OSBPL3: variants seen among roughly 807,000 people sequenced by gnomAD.
The protein encoded by OSBPL3 is oxysterol binding protein like 3, also known as oxysterol-binding protein-related protein 3.
Under a neutral mutation model 120.1 loss-of-function variants are expected in OSBPL3, and 65 were observed. The observed-to-expected ratio is 0.54, with a 90% CI of 0.44 to 0.67. The LOEUF (loss-of-function observed/expected upper bound fraction) is 0.67, where lower values mean the gene tolerates loss of function less well. Ranked by LOEUF, OSBPL3 falls within the 30% of genes least tolerant of loss-of-function variation. The pLI, the probability that OSBPL3 is intolerant of heterozygous loss-of-function variation, is 0.00. For synonymous variants in OSBPL3, 416 were observed against 402.6 expected (o/e 1.03, Z -0.40); for missense variants, 1,004 against 1,082.1 (o/e 0.93, Z 1.01).
At chr7:24,905,925 G>C (rs1807839899) in intron 1 of OSBPL3, among the ~76,000 whole-genome samples, 1 of 151,912 alleles carries the variant, frequency 6.6e-6, no homozygotes, top group Non-Finnish European at 1.5e-5. Context: ...CCAGCTATTT[G>C]GGAGGCTGAG....
In OSBPL3 at chr7:24,863,676, C is replaced by T; in HGVS notation, c.674-77G>A. ...CACTGTGCTGTCCCCATGCCAGCTA[C>T]TTTTCCTTATTTATCTGTAGTTGAT... On this transcript the variant is annotated intron_variant, in intron 7 of 22. Transcript: ENST00000313367. This position sits in a 1 kb window ranked among gnomAD's most constrained non-coding sequence, Gnocchi z 5.8. 2.2e-6 allele frequency: 2 copies of T among 926,842 alleles called. No homozygotes were observed. Among genetic ancestry groups the T allele is most frequent in the Non-Finnish European group, 1.7e-6 (1 of 580,770 alleles). The allele number at this position is 926,842 out of a possible 1,614,324, so 57.4% of individuals were successfully genotyped here.
Position 24,871,895 on chromosome 7 carries a change from CA to C in OSBPL3, c.213+57del. On this transcript the variant is annotated intron_variant, in intron 3 of 22. Coordinates refer to ENST00000313367, the MANE Select transcript of OSBPL3 (RefSeq NM_015550.4). This position sits in a 1 kb window ranked among gnomAD's most constrained non-coding sequence, Gnocchi z 4.8. ...AAATTAAATATGAGTACCTAAGAAC[CA>C]GGTGCTGAGTGGGGCAGTGTGAGTG... The C allele has an allele frequency of 6.9e-7, 1 of 1,459,132 alleles. No individual in the cohort carries two copies. Among genetic ancestry groups the C allele is most frequent in the South Asian group, 1.1e-5 (1 of 87,946 alleles). The allele number at this position is 1,459,132 out of a possible 1,614,324, so 90.4% of individuals were successfully genotyped here.
At position 24,799,260 on chromosome 7, in the gene OSBPL3, T is replaced by G. The variant is rs1036139455; in HGVS notation, c.*923A>C. On this transcript the variant is annotated 3_prime_UTR_variant, in exon 23 of 23. Coordinates refer to ENST00000313367, the MANE Select transcript of OSBPL3 (RefSeq NM_015550.4). The surrounding 1 kb of genome is among the most constrained non-coding windows in gnomAD (Gnocchi z 5.3). Reference sequence around the variant, plus strand: ...GTTATTTTGCTAAACTTTTACAAAGTCAAACTGCTGTGTGGAATAAACTGT... The same window carrying G: ...GTTATTTTGCTAAACTTTTACAAAGGCAAACTGCTGTGTGGAATAAACTGT... The G allele has an allele frequency of 6.6e-6, 1 of 152,604 alleles. No homozygotes were observed. Among genetic ancestry groups the G allele is most frequent in the African/African-American group, 2.4e-5 (1 of 41,450 alleles). 9.5% of individuals were successfully genotyped at this position (152,604 alleles called of 1,614,324 possible).
chr7:24,832,595 CT>C (rs1393860038), intron 15 of OSBPL3, among the ~76,000 whole-genome samples: 3 of 151,900 alleles, frequency 2.0e-5, no homozygotes, highest in Admixed American at 2.0e-4. Context: ...TTCTTGAAAC[CT>C]GGGTGTCTGT....
Position 24,818,183 on chromosome 7 carries a change from A to T in OSBPL3, c.1949-1495T>A, listed in dbSNP as rs554979072. On this transcript the variant is annotated intron_variant, in intron 17 of 22. Transcript: ENST00000313367. The surrounding 1 kb of genome is among the most constrained non-coding windows in gnomAD (Gnocchi z 4.0). ...CAGAGGGGGTGGATAATATTTGCTA[A>T]AGAGGATTCTTTTTGGAGTGATGAA... Among the ~76,000 whole-genome samples, 6 of 152,334 alleles carry T rather than the reference A, an allele frequency of 3.9e-5. No individual in the cohort carries two copies. In the East Asian group the frequency reaches 1.2e-3, roughly 29 times the overall value.
At chr7:24,974,817 A>G (rs1258620618) in intron 1 of OSBPL3, among the ~76,000 whole-genome samples, 3 of 152,214 alleles carry the variant, frequency 2.0e-5, no homozygotes, top group African/African-American at 7.2e-5. Flanking sequence ...GGCATAAAGT[A>G]AATTAGTGGG....
chr7:24,830,428 T>C lies in OSBPL3; in HGVS notation c.1884+340A>G, dbSNP rs988743385. On this transcript the variant is annotated intron_variant, in intron 16 of 22. Transcript: ENST00000313367. The surrounding 1 kb of genome is among the most constrained non-coding windows in gnomAD (Gnocchi z 4.4). ...GGGCATTCATGCTCTGGAATAATGATGTCAGTGTGTTAGGGAGCAATGTTA... is the reference window on the plus strand; with the variant it reads ...GGGCATTCATGCTCTGGAATAATGACGTCAGTGTGTTAGGGAGCAATGTTA... 6.6e-6 allele frequency among the ~76,000 whole-genome samples: 1 copy of C among 152,208 alleles called. No homozygotes were observed. Among genetic ancestry groups the C allele is most frequent in the Non-Finnish European group, 1.5e-5 (1 of 68,038 alleles).
rs1052742415 is a variant in OSBPL3, at chr7:24,938,583, T to C, written c.-150+41303A>G. On this transcript the variant is annotated intron_variant, in intron 1 of 22. Transcript: ENST00000313367. The surrounding 1 kb of genome is among the most constrained non-coding windows in gnomAD (Gnocchi z 5.8). ...CTGAAACTCTAGTCATCACTCAAAT[T>C]TGAAGGCCAGAAGAAGGAAAAGTTG... Among the ~76,000 whole-genome samples, 1 of 152,090 alleles carries C rather than the reference T, an allele frequency of 6.6e-6. No homozygotes were observed. Among genetic ancestry groups the C allele is most frequent in the African/African-American group, 2.4e-5 (1 of 41,416 alleles).
intron 1 of OSBPL3, among the ~76,000 whole-genome samples, chr7:24,920,484 T>C (rs2128447316): frequency 6.6e-6 from 1 of 152,248 alleles, no homozygotes; most frequent in South Asian, 2.1e-4. Context: ...AGGGGCTGGC[T>C]AGAGGCAGAA....
rs140419311 is a variant in OSBPL3, at chr7:24,825,252, C to T, written c.1885-5014G>A. Among the ~76,000 whole-genome samples the T allele has an allele frequency of 3.8e-3, 578 of 152,246 alleles. 9 individuals carry two copies. Among genetic ancestry groups the T allele is most frequent in the African/African-American group, 0.013 (552 of 41,532 alleles). ...TTAGTGGCCTGAGCTAGGTGACCAG[C>T]ATCACATGGGAGAGAAAGTGAAAAT... On this transcript the variant is annotated intron_variant, in intron 16 of 22. Coordinates refer to ENST00000313367, the MANE Select transcript of OSBPL3 (RefSeq NM_015550.4).
Position 24,797,464 on chromosome 7 carries a change from A to T in OSBPL3, c.*2719T>A, listed in dbSNP as rs111825509. The T allele has an allele frequency of 1.3e-5, 2 of 152,166 alleles. No homozygotes were observed. Among genetic ancestry groups the T allele is most frequent in the African/African-American group, 4.8e-5 (2 of 41,438 alleles). The allele number at this position is 152,166 out of a possible 1,614,324, so 9.4% of individuals were successfully genotyped here. On this transcript the variant is annotated 3_prime_UTR_variant, in exon 23 of 23. Transcript: ENST00000313367. The surrounding 1 kb of genome is among the most constrained non-coding windows in gnomAD (Gnocchi z 4.8). ...CCACCTGGCTTGTAGGAGAGGAACT[A>T]CATGGAGAAGCTGCATTGAGGCTTT...
rs994224071 is a variant in OSBPL3 at position 24,949,156 on chromosome 7, G to A, written c.-150+30730C>T. ...AGAATTTATCAATTTGCTTATTCAC[G>A]TTAACAGAACCACATTTTACACACT... On this transcript the variant is annotated intron_variant, in intron 1 of 22. Transcript: ENST00000313367. Among the ~76,000 whole-genome samples, 56 of 152,210 alleles carry A rather than the reference G, an allele frequency of 3.7e-4. 1 individual carries two copies. The highest frequency in any genetic ancestry group is 4.1e-4 in the South Asian group (2 of 4,826).
At chr7:24,882,319 A>G (rs2128312324) in intron 2 of OSBPL3, among the ~76,000 whole-genome samples, 1 of 146,646 alleles carries the variant, frequency 6.8e-6, no homozygotes, top group African/African-American at 2.5e-5. Context: ...ACCTGAATAC[A>G]TTTTTTAGCA....
intron 2 of OSBPL3, among the ~76,000 whole-genome samples, chr7:24,884,729 A>T (rs914069767): frequency 6.6e-6 from 1 of 152,204 alleles, no homozygotes; most frequent in Non-Finnish European, 1.5e-5. Flanking sequence ...CAAGGCAGAG[A>T]GAGGGTATTA....
Position 24,948,773 on chromosome 7 carries a change from T to C in OSBPL3, c.-150+31113A>G, listed in dbSNP as rs531757202. On this transcript the variant is annotated intron_variant, in intron 1 of 22. Transcript: ENST00000313367. Reference sequence around the variant, plus strand: ...GTGAAGAAAGACATCAGAAGTATCTTAACTGAGAGGGTAGATGGAGGTCCC... The same window carrying C: ...GTGAAGAAAGACATCAGAAGTATCTCAACTGAGAGGGTAGATGGAGGTCCC... Among the ~76,000 whole-genome samples the C allele has an allele frequency of 2.0e-5, 3 of 152,306 alleles. No individual in the cohort carries two copies. In the South Asian group the frequency reaches 6.2e-4, roughly 32 times the overall value.
At chr7:24,935,041 T>G (rs1231187826) in intron 1 of OSBPL3, among the ~76,000 whole-genome samples, 1 of 152,206 alleles carries the variant, frequency 6.6e-6, no homozygotes, top group African/African-American at 2.4e-5. Context: ...ATCATAAGGT[T>G]GTTTGTACTA....
chr7:24,822,030 C>T lies in OSBPL3; in HGVS notation c.1885-1792G>A, dbSNP rs938421213. On this transcript the variant is annotated intron_variant, in intron 16 of 22. Transcript: ENST00000313367. This position sits in a 1 kb window ranked among gnomAD's most constrained non-coding sequence, Gnocchi z 5.8. The stretch of plus-strand genomic sequence containing the variant: ...CTGGGACTAAAGGTGTGTGCCACCA[C>T]GCCCGGCTAATTTTTTCACTTTTTG... Among the ~76,000 whole-genome samples, 1 of 152,194 alleles carries T rather than the reference C, an allele frequency of 6.6e-6. No individual in the cohort carries two copies. The highest frequency in any genetic ancestry group is 1.9e-4 in the East Asian group (1 of 5,176).
chr7:24,935,095 T>G (rs139235348), intron 1 of OSBPL3, among the ~76,000 whole-genome samples: 1 of 152,154 alleles, frequency 6.6e-6, no homozygotes, highest in Non-Finnish European at 1.5e-5. Context: ...ATTTGATAAA[T>G]AATTTGTAGT....
At chr7:24,846,828 G>C (rs1798501662) in intron 12 of OSBPL3, among the ~76,000 whole-genome samples, 2 of 152,166 alleles carry the variant, frequency 1.3e-5, no homozygotes, top group Admixed American at 6.5e-5. Flanking sequence ...ACTTTGGGAG[G>C]CCGAGGTGGG....
Sources: allele counts gnomAD v4.1 joint callset (sites outside exome capture counted in the v4.1 genomes callset), GRCh38; gene constraint gnomAD v4.1.1; non-coding constraint Gnocchi (gnomAD v3.1); transcripts MANE v1.5; gene names NCBI Gene and HGNC (gene_info 2026-07-23, HGNC 2026-07-21).